The following CPQ variants were observed in gnomAD, a reference collection of about 807,000 sequenced individuals.
CPQ encodes the protein Ser-Met dipeptidase.
Under a neutral mutation model 45.7 loss-of-function variants are expected in CPQ, and 37 were observed. The ratio of observed to expected loss-of-function variants is 0.81; its 90% CI spans 0.62 to 1.07. The LOEUF is 1.07. Among genes scored for constraint, CPQ ranks in the 50% least tolerant of loss-of-function variants. The pLI is 0.00. For synonymous variants in CPQ, 186 were observed against 205.8 expected, an observed-to-expected ratio of 0.90 and a Z score of 0.82; for missense variants, 537 against 572.9, an observed-to-expected ratio of 0.94 and a Z score of 0.64.
At chr8:96,894,525 A>G (rs1469742272) in intron 4 of CPQ, among the ~76,000 whole-genome samples, 1 of 152,216 alleles carries the variant, frequency 6.6e-6, no homozygotes, top group Non-Finnish European at 1.5e-5. Context: ...AGGTACATTT[A>G]TGAAACTGCA....
At chr8:96,844,080 C>T (rs114212932) in intron 3 of CPQ, among the ~76,000 whole-genome samples, 3,115 of 152,290 alleles carry the variant, frequency 0.02, 73 homozygotes, top group African/African-American at 0.054. Context: ...TCAAGAATCA[C>T]ATCATTGTGG....
intron 6 of CPQ, among the ~76,000 whole-genome samples, chr8:97,038,033 G>A (rs1276453463): frequency 6.6e-6 from 1 of 152,096 alleles, no homozygotes; most frequent in East Asian, 1.9e-4. Context: ...TCATGTTTCT[G>A]GGAGAGCAAG....
At chr8:96,713,095 A>T (rs1225924932) in intron 1 of CPQ, among the ~76,000 whole-genome samples, 2 of 152,134 alleles carry the variant, frequency 1.3e-5, no homozygotes, top group South Asian at 4.1e-4. Flanking sequence ...CAAGTTCTTC[A>T]TCTCCATCTG....
chr8:96,957,909 C>CT (rs1352096500), intron 4 of CPQ, among the ~76,000 whole-genome samples: 1 of 151,288 alleles, frequency 6.6e-6, no homozygotes, highest in Admixed American at 6.6e-5. Flanking sequence ...TCATGGCTCA[C>CT]TGTAGCCACA....
chr8:96,865,059 G>A (rs960859690), intron 3 of CPQ, among the ~76,000 whole-genome samples: 2 of 151,918 alleles, frequency 1.3e-5, no homozygotes, highest in Non-Finnish European at 2.9e-5. Context: ...GTGACAAAAT[G>A]TTAGGTGTTA....
At chr8:96,947,008 T>C (rs527470315) in intron 4 of CPQ, among the ~76,000 whole-genome samples, 1 of 152,296 alleles carries the variant, frequency 6.6e-6, no homozygotes, top group Non-Finnish European at 1.5e-5. Context: ...CCAATTAGAA[T>C]GTAAGTTGAG....
intron 1 of CPQ, among the ~76,000 whole-genome samples, chr8:96,649,352 A>G (rs534278726): frequency 6.6e-6 from 1 of 152,340 alleles, no homozygotes; most frequent in South Asian, 2.1e-4. Flanking sequence ...TAGCTACAGT[A>G]ATAATGTTTC....
At chr8:96,753,533 C>G (rs944777230) in intron 1 of CPQ, among the ~76,000 whole-genome samples, 5 of 139,354 alleles carry the variant, frequency 3.6e-5, no homozygotes, top group African/African-American at 1.2e-4. Context: ...TTGCATCCCT[C>G]AAGGTTTTAC....
At chr8:96,802,276 T>C (rs1040015113) in intron 2 of CPQ, among the ~76,000 whole-genome samples, 1 of 152,206 alleles carries the variant, frequency 6.6e-6, no homozygotes, top group Non-Finnish European at 1.5e-5. Context: ...CTATCTTTTT[T>C]TTGAGTCTGT....
At chr8:97,135,855 G>A (rs987631846) in intron 7 of CPQ, among the ~76,000 whole-genome samples, 4 of 152,164 alleles carry the variant, frequency 2.6e-5, no homozygotes, top group South Asian at 2.1e-4. Flanking sequence ...GCTTTCAAAC[G>A]TCTTTCAAAA....
chr8:97,055,837 T>C (rs979212877), intron 6 of CPQ, among the ~76,000 whole-genome samples: 2 of 152,174 alleles, frequency 1.3e-5, no homozygotes, highest in Non-Finnish European at 2.9e-5. Flanking sequence ...CAGTGGCTCA[T>C]GCCTATAATC....
At chr8:96,719,084 C>G (rs952181270) in intron 1 of CPQ, among the ~76,000 whole-genome samples, 2 of 152,234 alleles carry the variant, frequency 1.3e-5, no homozygotes, top group African/African-American at 4.8e-5. Flanking sequence ...GCTGTGCGCT[C>G]GCACTCCTCA....
At chr8:96,712,300 T>C (rs1179759947) in intron 1 of CPQ, among the ~76,000 whole-genome samples, 3 of 152,152 alleles carry the variant, frequency 2.0e-5, no homozygotes, top group Non-Finnish European at 4.4e-5. Flanking sequence ...TTGGTGAATC[T>C]AGCATTCTGG....
chr8:96,747,791 G>A (rs922084298), intron 1 of CPQ, among the ~76,000 whole-genome samples: 1 of 152,176 alleles, frequency 6.6e-6, no homozygotes, highest in African/African-American at 2.4e-5. Flanking sequence ...AAGTTGAGAT[G>A]CTGGACTCCA....
At chr8:97,055,205 A>C (rs1415038824) in intron 6 of CPQ, among the ~76,000 whole-genome samples, 2 of 152,152 alleles carry the variant, frequency 1.3e-5, no homozygotes, top group East Asian at 3.9e-4. Context: ...CCTTTATCAC[A>C]TCATCATGAT....
At chr8:96,777,299 G>A (rs1211573647) in intron 1 of CPQ, among the ~76,000 whole-genome samples, 1 of 152,056 alleles carries the variant, frequency 6.6e-6, no homozygotes. Flanking sequence ...ATTCCCCAAG[G>A]TTTGCCTGAA....
chr8:96,779,165 ATAGACTGTGACC>A (rs988411012), intron 1 of CPQ, among the ~76,000 whole-genome samples: 1 of 152,102 alleles, frequency 6.6e-6, no homozygotes, highest in African/African-American at 2.4e-5. Context: ...TATTTTTTAA[ATAGACTGTGACC>A]TAAGTTCTGG....
chr8:96,718,197 T>C (rs1391633400), intron 1 of CPQ, among the ~76,000 whole-genome samples: 1 of 152,144 alleles, frequency 6.6e-6, no homozygotes, highest in Non-Finnish European at 1.5e-5. Context: ...TGAGATTATA[T>C]TGTGAATCTT....
chr8:97,036,000 C>G (rs1460559631), intron 6 of CPQ, among the ~76,000 whole-genome samples: 1 of 152,190 alleles, frequency 6.6e-6, no homozygotes, highest in South Asian at 2.1e-4. Context: ...AGCCACCATG[C>G]CCGGCCGCCT....
Sources: gnomAD v4.1 joint callset for allele counts (sites outside exome capture counted in the v4.1 genomes callset) on GRCh38, gnomAD v4.1.1 for gene constraint, MANE v1.5 for transcripts, NCBI Gene and HGNC (gene_info 2026-07-23, HGNC 2026-07-21) for gene names.